The following RADIL variants were observed in gnomAD, a reference collection of about 807,000 sequenced individuals.
RADIL encodes Rap associating with DIL domain.
Under a neutral mutation model 97.6 loss-of-function variants are expected in RADIL, and 99 were observed. That is an observed-to-expected ratio of 1.01 (90% CI 0.86 to 1.20). The LOEUF (loss-of-function observed/expected upper bound fraction) is 1.20. Ranked by LOEUF, RADIL falls within the 50% of genes most tolerant of loss-of-function variation. RADIL has a pLI of 0.00. For synonymous variants in RADIL, 803 were observed against 691.8 expected (o/e 1.16, Z -2.52); for missense variants, 1,765 against 1,498.9 (o/e 1.18, Z -2.93).
rs1259389817 is a variant in RADIL at position 4,854,209 on chromosome 7, T to A, written c.536-17604A>T. On this transcript the variant is annotated intron_variant, in intron 2 of 14. Coordinates refer to ENST00000399583, the MANE Select transcript of RADIL (RefSeq NM_018059.5). The surrounding 1 kb of genome is among the most constrained non-coding windows in gnomAD (Gnocchi z 5.1). ...CCGAAAGTAGAAAAAGCCTGGTCCC[T>A]GGTGACCAGGAAAGCCACCGTTACC... is the stretch of plus-strand genomic sequence containing the variant. Among the ~76,000 whole-genome samples, 6 of 151,722 alleles carry A rather than the reference T, an allele frequency of 4.0e-5. No homozygotes were observed. Among genetic ancestry groups the A allele is most frequent in the African/African-American group, 1.5e-4 (6 of 40,998 alleles).
At position 4,822,419 on chromosome 7, in the gene RADIL, G is replaced by C; in HGVS notation, c.1590C>G (p.Ser530Arg). ...CTGTGATGTCCAGCTGCTCCTCCAT[G>C]CTCTGCATGTAGAGTGGGCATTTCT... The part of the protein sequence containing the change: ...IQQKCPLYMQ[S>R]MEEQLDITGS... The change falls in exon 6 of 15, where the codon AGC becomes AGG. Residue 530 changes from serine to arginine, a missense_variant. By Grantham distance (110) the Ser-to-Arg change is moderately radical. Coordinates refer to ENST00000399583, the MANE Select transcript of RADIL (RefSeq NM_018059.5). This position sits in a 1 kb window ranked among gnomAD's most constrained non-coding sequence, Gnocchi z 5.3. The C allele has an allele frequency of 6.2e-7, 1 of 1,612,524 alleles. No homozygotes were observed.
intron 9 of RADIL, among the ~76,000 whole-genome samples, chr7:4,806,524 G>T (rs1195525034): frequency 6.6e-6 from 1 of 152,190 alleles, no homozygotes; most frequent in African/African-American, 2.4e-5. Context: ...AGCCTACACC[G>T]TAAGGAAGGG....
chr7:4,877,656 T>G lies in RADIL; in HGVS notation c.484A>C (p.Arg162=), dbSNP rs374245673. ...GLSRRFELRK[R]SDVEELAAKE... The stretch of plus-strand genomic sequence containing the variant: ...GCTGCCAGCTCCTCCACGTCCGACC[T>G]CTTCCTCAGCTCAAACCTCCGGGAT... The change falls in exon 2 of 15, where the codon AGG becomes CGG. Residue 162 remains arginine (R), a synonymous_variant. Coordinates refer to ENST00000399583, the MANE Select transcript of RADIL (RefSeq NM_018059.5). 72 of 1,613,472 alleles carry G rather than the reference T, an allele frequency of 4.5e-5. 1 individual carries two copies. In the African/African-American group the frequency reaches 9.3e-4, roughly 21 times the overall value.
intron 9 of RADIL, chr7:4,806,106 G>A (rs1289883947): frequency 9.5e-6 from 9 of 951,376 alleles, no homozygotes; most frequent in African/African-American, 1.8e-5. Flanking sequence ...CTGGAAGGCA[G>A]GGACATTCAT....
chr7:4,806,572 C>T (rs1300390602), intron 9 of RADIL, among the ~76,000 whole-genome samples: 1 of 152,258 alleles, frequency 6.6e-6, no homozygotes, highest in Non-Finnish European at 1.5e-5. Flanking sequence ...CTCTGCGGCC[C>T]GCCAGGACCT....
At chr7:4,874,691 G>C (rs1008487967) in intron 2 of RADIL, among the ~76,000 whole-genome samples, 2 of 152,230 alleles carry the variant, frequency 1.3e-5, no homozygotes, top group East Asian at 3.9e-4. Flanking sequence ...AAACCGCCAC[G>C]AGCTTAGACA....
Position 4,836,416 on chromosome 7 carries a change from C to A in RADIL, c.725G>T (p.Arg242Leu), listed in dbSNP as rs191065170. 5 of 1,583,622 alleles carry A rather than the reference C, an allele frequency of 3.2e-6. No individual in the cohort carries two copies. Among genetic ancestry groups the A allele is most frequent in the Non-Finnish European group, 4.3e-6 (5 of 1,165,148 alleles). The stretch of plus-strand genomic sequence containing the variant: ...ATGCGGGGACTGGTACAGCGAGTAC[C>A]GCATGGCGTCGGGGCCGGGCTCCTC... ...GPEEPGPDAM[R>L]YSLYQSPHLL... The change falls in exon 3 of 15, where the codon CGG becomes CTG. Residue 242 changes from arginine to leucine, a missense_variant. Coordinates refer to ENST00000399583, the MANE Select transcript of RADIL (RefSeq NM_018059.5).
rs2115189680 is a variant in RADIL, at chr7:4,817,447, C to A, written c.1616-96G>T. 1.9e-6 allele frequency: 2 copies of A among 1,062,918 alleles called. No homozygotes were observed. The highest frequency in any genetic ancestry group is 2.7e-6 in the Non-Finnish European group (2 of 736,478). The allele number at this position is 1,062,918 out of a possible 1,614,324, so 65.8% of individuals were successfully genotyped here. A position where few individuals can be genotyped will look rare whatever the true frequency, so the allele number is the denominator to read the frequency against. ...GCCAGCTCTTTCCCTGGCGCGGGCA[C>A]CACCCAACGCGCCCATCTGGGGTCC... is the stretch of plus-strand genomic sequence containing the variant. On this transcript the variant is annotated intron_variant, in intron 6 of 14. Transcript: ENST00000399583. This position sits in a 1 kb window ranked among gnomAD's most constrained non-coding sequence, Gnocchi z 8.3.
intron 2 of RADIL, chr7:4,861,125 T>A (rs199530978): frequency 1.1e-5 from 17 of 1,614,114 alleles, no homozygotes; most frequent in Non-Finnish European, 1.4e-5. Context: ...GGCCCACAGT[T>A]TGATGGCTCT....
At chr7:4,847,197 T>C (rs1385483687) in intron 2 of RADIL, among the ~76,000 whole-genome samples, 2 of 152,098 alleles carry the variant, frequency 1.3e-5, no homozygotes, top group African/African-American at 4.8e-5. Context: ...AGCAAGTGCC[T>C]GTAATCCCAG....
chr7:4,859,992 G>A (rs1261169557), intron 2 of RADIL: 2 of 1,613,888 alleles, frequency 1.2e-6, no homozygotes, highest in Non-Finnish European at 1.7e-6. Context: ...ATGGCCTTTG[G>A]TGATGGAGAA....
chr7:4,844,801 A>G (rs1375238514), intron 2 of RADIL, among the ~76,000 whole-genome samples: 1 of 152,084 alleles, frequency 6.6e-6, no homozygotes, highest in African/African-American at 2.4e-5. Context: ...ACAGGGTCTC[A>G]CTATTCTGCC....
intron 2 of RADIL, among the ~76,000 whole-genome samples, chr7:4,851,732 G>A (rs112458622): frequency 1.3e-5 from 2 of 152,208 alleles, no homozygotes; most frequent in African/African-American, 4.8e-5. Context: ...ACAGGAGAGA[G>A]AGAAATTAAA....
intron 9 of RADIL, among the ~76,000 whole-genome samples, chr7:4,811,516 C>T (rs1204019685): frequency 9.5e-6 from 1 of 104,820 alleles, no homozygotes; most frequent in Non-Finnish European, 1.7e-5. Flanking sequence ...GAGATGGAGT[C>T]TCACTCTGTC....
intron 5 of RADIL, among the ~76,000 whole-genome samples, chr7:4,830,264 T>C (rs11767888): frequency 0.35 from 53,550 of 152,074 alleles, 11,755 homozygotes; most frequent in African/African-American, 0.61. Flanking sequence ...GGAGGAGACA[T>C]GTGGCGGCTT....
intron 2 of RADIL, among the ~76,000 whole-genome samples, chr7:4,864,205 C>G (rs1784084142): frequency 1.3e-5 from 2 of 152,192 alleles, no homozygotes; most frequent in South Asian, 4.1e-4. Flanking sequence ...CCAATGATTT[C>G]CATCTTCTTT....
chr7:4,806,231 C>G (rs1782304609), intron 9 of RADIL, among the ~76,000 whole-genome samples: 1 of 152,242 alleles, frequency 6.6e-6, no homozygotes, highest in Admixed American at 6.5e-5. Flanking sequence ...CTCACCGCAG[C>G]CTCGACCTCC....
Position 4,840,949 on chromosome 7 carries a change from A to G in RADIL, c.536-4344T>C, listed in dbSNP as rs1420342985. 2.6e-5 allele frequency among the ~76,000 whole-genome samples: 4 copies of G among 152,266 alleles called. No homozygotes were observed. Among genetic ancestry groups the G allele is most frequent in the Admixed American group, 2.6e-4 (4 of 15,284 alleles). Reference sequence around the variant, plus strand: ...ACCACTGCACTCCAGCCTGGGTGACAGAGCGAGACTCCGTCTCAAAACAAA... The same window carrying G: ...ACCACTGCACTCCAGCCTGGGTGACGGAGCGAGACTCCGTCTCAAAACAAA... On this transcript the variant is annotated intron_variant, in intron 2 of 14. Coordinates refer to ENST00000399583, the MANE Select transcript of RADIL (RefSeq NM_018059.5). The surrounding 1 kb of genome is among the most constrained non-coding windows in gnomAD (Gnocchi z 5.6).
chr7:4,865,614 C>A, intron 2 of RADIL: 1 of 823,784 alleles, frequency 1.2e-6, no homozygotes. Flanking sequence ...TTGCTCCTTT[C>A]GATGGTCACC....
Sources: allele counts gnomAD v4.1 joint callset (sites outside exome capture counted in the v4.1 genomes callset), GRCh38; gene constraint gnomAD v4.1.1; non-coding constraint Gnocchi (gnomAD v3.1); transcripts MANE v1.5; gene names NCBI Gene and HGNC (gene_info 2026-07-23, HGNC 2026-07-21).